Variants in MTA3 observed in about 807,000 individuals in gnomAD.
MTA3 encodes metastasis-associated protein MTA3.
In MTA3, 34 loss-of-function variants were observed where a neutral mutation model predicts 83.5. The ratio of observed to expected loss-of-function variants is 0.41; its 90% CI spans 0.31 to 0.54. The LOEUF (loss-of-function observed/expected upper bound fraction) is 0.54, where lower values mean the gene tolerates loss of function less well. MTA3 is among the 20% of genes least tolerant of loss of function. MTA3 has a pLI of 0.33. For missense variants in MTA3, 761 were observed against 726.4 expected (o/e 1.05, Z -0.55); for synonymous variants, 303 against 252.7 (o/e 1.20, Z -1.89).
At chr2:42,577,105 A>AAAAAAAATATATATATATAT (rs1211189566) in intron 2 of MTA3, among the ~76,000 whole-genome samples, 1 of 86,916 alleles carries the variant, frequency 1.2e-5, no homozygotes, top group African/African-American at 5.4e-5. Flanking sequence ...AAAAAAAAAA[A>AAAAAAAATATATATATATAT]ATATATATAT....
At position 42,594,728 on chromosome 2, in the gene MTA3, A is replaced by ATATATATTTTTTTT; in HGVS notation, c.191-14729_191-14728insATATATTTTTTTTT. ...TACATATATATATATATATATATAT[A>ATATATATTTTTTTT]TTTTTTTTTTTTTTTTGAGACAGAG... On this transcript the variant is annotated intron_variant, in intron 3 of 16. Transcript: ENST00000405094. 2.6e-3 allele frequency among the ~76,000 whole-genome samples: 63 copies of ATATATATTTTTTTT among 24,036 alleles called. 2 individuals carry two copies. The highest frequency in any genetic ancestry group is 0.011 in the Admixed American group (12 of 1,134). 15.8% of individuals were successfully genotyped at this position (24,036 alleles called of 152,430 possible).
chr2:42,582,234 C>T (rs1273253179), intron 3 of MTA3, among the ~76,000 whole-genome samples: 1 of 151,888 alleles, frequency 6.6e-6, no homozygotes, highest in East Asian at 1.9e-4. Context: ...ATTTTTTTGT[C>T]TTTTCAGTAG....
chr2:42,563,886 C>T (rs1292093081), upstream of MTA3, among the ~76,000 whole-genome samples: 4 of 151,076 alleles, frequency 2.6e-5, no homozygotes, highest in South Asian at 2.1e-4. Flanking sequence ...TGCAATGGCG[C>T]GATCTCGGCT....
intron 2 of MTA3, among the ~76,000 whole-genome samples, chr2:42,556,602 A>C (rs1253133257): frequency 2.0e-5 from 3 of 152,138 alleles, no homozygotes; most frequent in Non-Finnish European, 2.9e-5. Flanking sequence ...AGCCTGCCCG[A>C]TGCTGCAGAT....
rs1019592548 is a variant in MTA3 at position 42,704,015 on chromosome 2, A to G, written c.1026-179A>G. 4 of 616,058 alleles carry G rather than the reference A, an allele frequency of 6.5e-6. No individual in the cohort carries two copies. The African/African-American group carries it at 7.5e-5, about 12-fold the overall frequency. 38.2% of individuals were successfully genotyped at this position (616,058 alleles called of 1,614,324 possible). On this transcript the variant is annotated intron_variant, in intron 11 of 16. Coordinates refer to ENST00000405094, the MANE Select transcript of MTA3 (RefSeq NM_001330442.2). ...ATTCCTTTTTTCATAGACTCGTTTT[A>G]TAAAGATGAGTAGTGTGAGTTCATT...
chr2:42,721,865 A>C (rs1364406506), intron 15 of MTA3, among the ~76,000 whole-genome samples: 1 of 152,144 alleles, frequency 6.6e-6, no homozygotes, highest in African/African-American at 2.4e-5. Flanking sequence ...ATGAAATGCA[A>C]GGCTGGCAAA....
chr2:42,676,391 T>C (rs541542413), intron 8 of MTA3, among the ~76,000 whole-genome samples: 2 of 152,318 alleles, frequency 1.3e-5, no homozygotes, highest in South Asian at 2.1e-4. Flanking sequence ...AATCCATTCA[T>C]GATTTGAGTG....
rs752989961 is a variant in MTA3 at position 42,680,604 on chromosome 2, G to A, written c.703-1797G>A. On this transcript the variant is annotated intron_variant, in intron 8 of 16. Transcript: ENST00000405094. ...TTGCAGCACCCATGTGCTAATCCGC[G>A]ACATAGGCAGAGATGATTTTGTTGC... is the stretch of plus-strand genomic sequence containing the variant. Among the ~76,000 whole-genome samples the A allele has an allele frequency of 4.6e-5, 7 of 152,120 alleles. No homozygotes were observed. The South Asian group carries it at 1.0e-3, about 22-fold the overall frequency.
chr2:42,658,190 A>G (rs1180203466), intron 7 of MTA3, among the ~76,000 whole-genome samples: 1 of 151,516 alleles, frequency 6.6e-6, no homozygotes, highest in Non-Finnish European at 1.5e-5. Flanking sequence ...AGTGCTAAGC[A>G]TTGATCAAGA....
At chr2:42,533,692 C>T (rs529816223) in intron 2 of MTA3, among the ~76,000 whole-genome samples, 501 of 150,394 alleles carry the variant, frequency 3.3e-3, no homozygotes, top group South Asian at 7.2e-3. Context: ...ATTAGCAGGG[C>T]GTAGTGGCGG....
intron 2 of MTA3, among the ~76,000 whole-genome samples, chr2:42,503,362 C>T (rs1674486443): frequency 6.6e-6 from 1 of 152,160 alleles, no homozygotes; most frequent in African/African-American, 2.4e-5. Flanking sequence ...GGGATTTGGC[C>T]AGCTTCTTTA....
intron 14 of MTA3, among the ~76,000 whole-genome samples, chr2:42,710,728 A>G (rs1294223193): frequency 6.6e-6 from 1 of 152,138 alleles, no homozygotes; most frequent in Non-Finnish European, 1.5e-5. Flanking sequence ...AATTAGAAAT[A>G]TTTATAGTCT....
chr2:42,503,628 C>T lies in MTA3; in HGVS notation c.-141+8374C>T, dbSNP rs566465160. Among the ~76,000 whole-genome samples, 12 of 152,278 alleles carry T rather than the reference C, an allele frequency of 7.9e-5. No homozygotes were observed. In the South Asian group the frequency reaches 2.5e-3, roughly 32 times the overall value. Reference sequence around the variant, plus strand: ...GACTAGCTAGGTGCCTGGAATTTACCTTGAAGGAGCTCAAGAATTTCCTTT... The same window carrying T: ...GACTAGCTAGGTGCCTGGAATTTACTTTGAAGGAGCTCAAGAATTTCCTTT... On this transcript the variant is annotated intron_variant, in intron 2 of 17. Transcript: ENST00000405592.
At chr2:42,678,203 A>T (rs1200565422) in intron 8 of MTA3, among the ~76,000 whole-genome samples, 1 of 152,144 alleles carries the variant, frequency 6.6e-6, no homozygotes, top group Non-Finnish European at 1.5e-5. Context: ...CAAAGTTGGA[A>T]GTCATTGTTC....
chr2:42,531,991 C>T (rs1676001124), intron 2 of MTA3, among the ~76,000 whole-genome samples: 1 of 152,002 alleles, frequency 6.6e-6, no homozygotes, highest in Non-Finnish European at 1.5e-5. Context: ...CTCCTGACCT[C>T]ATGATCTGCC....
chr2:42,515,506 A>G (rs1464308279), intron 2 of MTA3, among the ~76,000 whole-genome samples: 2 of 151,196 alleles, frequency 1.3e-5, no homozygotes, highest in African/African-American at 4.9e-5. Context: ...ATTTTATTTT[A>G]TTTTTTATTT....
intron 2 of MTA3, among the ~76,000 whole-genome samples, chr2:42,525,135 T>A (rs1675628183): frequency 7.2e-6 from 1 of 139,762 alleles, no homozygotes; most frequent in Non-Finnish European, 1.6e-5. Flanking sequence ...CTCTTGAGAG[T>A]TGAGATGTGG....
intron 9 of MTA3, among the ~76,000 whole-genome samples, chr2:42,688,927 A>AT (rs201027680): frequency 0.021 from 3,177 of 151,908 alleles, 99 homozygotes; most frequent in African/African-American, 0.073. Context: ...AAATTCATTC[A>AT]TTTTTTTACT....
At chr2:42,573,235 T>C (rs914674356) in intron 2 of MTA3, among the ~76,000 whole-genome samples, 5 of 152,238 alleles carry the variant, frequency 3.3e-5, no homozygotes, top group Non-Finnish European at 7.3e-5. Context: ...TCTGGTAACT[T>C]GTTCAGTTTT....
Sources: gnomAD v4.1 joint callset for allele counts (sites outside exome capture counted in the v4.1 genomes callset) on GRCh38, gnomAD v4.1.1 for gene constraint, MANE v1.5 for transcripts, NCBI Gene and HGNC (gene_info 2026-07-23, HGNC 2026-07-21) for gene names.